Variants in ITPR2 observed in about 807,000 individuals in gnomAD.
ITPR2 encodes the protein inositol 1,4,5-trisphosphate receptor type 2, also known as inositol 1,4,5-trisphosphate-gated calcium channel ITPR2.
A neutral mutation model predicts 317.1 loss-of-function variants in ITPR2; 207 were observed. That is an observed-to-expected ratio of 0.65 (90% confidence interval 0.58 to 0.73). The LOEUF is 0.73. Among genes scored for constraint, ITPR2 ranks in the 30% least tolerant of loss-of-function variants. The pLI is 0.00. For missense variants in ITPR2, 2,613 were observed against 3,284.0 expected (o/e 0.80, Z 4.99); for synonymous variants, 1,156 against 1,149.1 (o/e 1.01, Z -0.12).
intron 2 of ITPR2, among the ~76,000 whole-genome samples, chr12:26,739,366 C>T: frequency 6.6e-6 from 1 of 152,206 alleles, no homozygotes; most frequent in Non-Finnish European, 1.5e-5. Context: ...TGTCCACCTA[C>T]ATTATTCACA....
chr12:26,440,974 A>G (rs887354360), intron 46 of ITPR2, among the ~76,000 whole-genome samples: 1 of 152,170 alleles, frequency 6.6e-6, no homozygotes, highest in Non-Finnish European at 1.5e-5. Context: ...ACAAATGCTT[A>G]TTCAGTCTTT....
At chr12:26,616,982 C>A (rs1446636624) in intron 26 of ITPR2, among the ~76,000 whole-genome samples, 1 of 152,152 alleles carries the variant, frequency 6.6e-6, no homozygotes, top group South Asian at 2.1e-4. Flanking sequence ...AAATACACTA[C>A]ATAATTCACA....
intron 2 of ITPR2, among the ~76,000 whole-genome samples, chr12:26,733,347 A>G (rs1949058960): frequency 6.6e-6 from 1 of 150,504 alleles, no homozygotes. Context: ...AAAGAAAAGA[A>G]AAAAGAAAAC....
chr12:26,544,535 C>T (rs147215458), intron 37 of ITPR2, among the ~76,000 whole-genome samples: 35 of 151,008 alleles, frequency 2.3e-4, no homozygotes, highest in African/African-American at 7.5e-4. Flanking sequence ...CTTCATTGCC[C>T]TATTTTTAAA....
At chr12:26,367,407 C>A (rs1387925169) in intron 55 of ITPR2, among the ~76,000 whole-genome samples, 1 of 152,056 alleles carries the variant, frequency 6.6e-6, no homozygotes, top group East Asian at 1.9e-4. Context: ...ATTCCACATA[C>A]CCTATATTTT....
chr12:26,338,467 A>G lies in ITPR2; in HGVS notation c.*930T>C, dbSNP rs1937993414. 6.5e-6 allele frequency: 1 copy of G among 152,752 alleles called. No individual in the cohort carries two copies. Among genetic ancestry groups the G allele is most frequent in the Middle Eastern group, 3.4e-3 (1 of 294 alleles). 9.5% of individuals were successfully genotyped at this position (152,752 alleles called of 1,614,324 possible). A position where few individuals can be genotyped will look rare whatever the true frequency, so the allele number is the denominator to read the frequency against. On this transcript the variant is annotated 3_prime_UTR_variant, in exon 57 of 57. Coordinates refer to ENST00000381340, the MANE Select transcript of ITPR2 (RefSeq NM_002223.4). ...AATTCTTTAAGCACAGCAAACGTTG[A>G]GTCAAATGGCTTTCACTCCATGTTT...
Position 26,824,953 on chromosome 12 carries a change from TG to T in ITPR2, c.92+7736del, listed in dbSNP as rs751962136. 4.1e-4 allele frequency among the ~76,000 whole-genome samples: 62 copies of T among 152,316 alleles called. 1 individual carries two copies. Among genetic ancestry groups the T allele is most frequent in the Admixed American group, 2.6e-3 (39 of 15,294 alleles). On this transcript the variant is annotated intron_variant, in intron 1 of 56. Transcript: ENST00000381340. ...TTATTCATTAAATAAGTGAATGGGC[TG>T]GGCGCAGTGGCTCACACCTGTAATC...
intron 37 of ITPR2, among the ~76,000 whole-genome samples, chr12:26,544,607 C>CAG (rs780430510): frequency 1.7e-4 from 8 of 47,080 alleles, no homozygotes; most frequent in Non-Finnish European, 6.7e-4. Context: ...GACACACAGA[C>CAG]ACACACACAC....
chr12:26,724,660 A>G lies in ITPR2; in HGVS notation c.362T>C (p.Ile121Thr), dbSNP rs1198702808. Residue 121 changes from isoleucine (I) to threonine (T), a missense_variant, in exon 4 of 57, where the codon ATA becomes ACA. By Grantham distance (89) the Ile-to-Thr change is moderately conservative. Coordinates refer to ENST00000381340, the MANE Select transcript of ITPR2 (RefSeq NM_002223.4). ...CGTTTAAGAGAAAATACTTACTTGTATAACATTACTGTATTTTACAATTTC... is the reference window on the plus strand; with the variant it reads ...CGTTTAAGAGAAAATACTTACTTGTGTAACATTACTGTATTTTACAATTTC... ...LGEIVKYSNV[I>T]QLLHIKSNKY... The G allele has an allele frequency of 6.4e-7, 1 of 1,555,470 alleles. No individual in the cohort carries two copies. The highest frequency in any genetic ancestry group is 2.3e-5 in the East Asian group (1 of 44,370).
intron 39 of ITPR2, among the ~76,000 whole-genome samples, chr12:26,488,153 T>G (rs1489747059): frequency 6.6e-6 from 1 of 152,112 alleles, no homozygotes; most frequent in Non-Finnish European, 1.5e-5. Flanking sequence ...AACTTATTAC[T>G]ACCAAGATTA....
chr12:26,595,414 A>AT (rs1945817766), intron 32 of ITPR2, 51 bp downstream of exon 32: 1 of 1,555,000 alleles, frequency 6.4e-7, no homozygotes, highest in East Asian at 2.3e-5. Context: ...GCTTAATACT[A>AT]TTTAGTCGAA....
chr12:26,647,904 C>A (rs1947151833), intron 21 of ITPR2, among the ~76,000 whole-genome samples: 1 of 152,170 alleles, frequency 6.6e-6, no homozygotes, highest in South Asian at 2.1e-4. Flanking sequence ...GAACGGACCA[C>A]CTTTAGGGTA....
intron 32 of ITPR2, among the ~76,000 whole-genome samples, chr12:26,589,031 T>C (rs941106845): frequency 4.6e-5 from 7 of 152,224 alleles, no homozygotes; most frequent in Non-Finnish European, 5.9e-5. Context: ...CAATCAGTTA[T>C]AAAGCCAAAG....
chr12:26,494,056 G>T (rs1434681624), intron 39 of ITPR2, 97 bp downstream of exon 39: 6 of 881,118 alleles, frequency 6.8e-6, no homozygotes, highest in Non-Finnish European at 9.9e-6. Flanking sequence ...ATAGTAATAA[G>T]AGCTAAAAGA....
At chr12:26,562,519 T>C (rs1032979695) in intron 34 of ITPR2, among the ~76,000 whole-genome samples, 6 of 152,204 alleles carry the variant, frequency 3.9e-5, no homozygotes, top group Non-Finnish European at 8.8e-5. Context: ...TTGAGAATGC[T>C]TGTCACAAAG....
At chr12:26,789,510 TATTATA>T (rs1032385014) in intron 2 of ITPR2, among the ~76,000 whole-genome samples, 3 of 152,244 alleles carry the variant, frequency 2.0e-5, no homozygotes, top group Non-Finnish European at 2.9e-5. Context: ...TTATTTTTAT[TATTATA>T]ATTATGTACC....
intron 13 of ITPR2, among the ~76,000 whole-genome samples, chr12:26,679,437 A>G (rs1340912538): frequency 6.6e-6 from 1 of 152,154 alleles, no homozygotes; most frequent in Non-Finnish European, 1.5e-5. Context: ...AATCCCATGA[A>G]GCCATCACCA....
intron 21 of ITPR2, among the ~76,000 whole-genome samples, chr12:26,635,900 C>T (rs1318777094): frequency 6.6e-6 from 1 of 152,208 alleles, no homozygotes; most frequent in African/African-American, 2.4e-5. Context: ...AAAACATTAG[C>T]ATAAGATCAA....
intron 28 of ITPR2, among the ~76,000 whole-genome samples, 171 bp downstream of exon 28, chr12:26,602,199 T>A (rs577992585): frequency 2.0e-5 from 3 of 152,274 alleles, no homozygotes; most frequent in Admixed American, 2.0e-4. Context: ...GACATGGTAG[T>A]GTACCCTTGT....
Sources: gnomAD v4.1 joint callset for allele counts (sites outside exome capture counted in the v4.1 genomes callset) on GRCh38, gnomAD v4.1.1 for gene constraint, MANE v1.5 for transcripts, NCBI Gene and HGNC (gene_info 2026-07-23, HGNC 2026-07-21) for gene names.